XPOT: variants seen among roughly 807,000 people sequenced by gnomAD.
XPOT encodes exportin for tRNA, also known as exportin-T.
In XPOT, 34 loss-of-function variants were observed where a neutral mutation model predicts 128.2. The observed-to-expected ratio is 0.27, with a 90% CI of 0.20 to 0.35. XPOT has a LOEUF of 0.35. XPOT is among the 10% of genes least tolerant of loss of function. The pLI, the probability that XPOT is intolerant of heterozygous loss-of-function variation, is 1.00. For synonymous variants in XPOT, 348 were observed against 394.3 expected (o/e 0.88, Z 1.39); for missense variants, 838 against 1,125.3 (o/e 0.74, Z 3.65).
At chr12:64,443,805 A>G (rs180955500) in intron 23 of XPOT, among the ~76,000 whole-genome samples, 15 of 152,288 alleles carry the variant, frequency 9.8e-5, no homozygotes, top group Non-Finnish European at 1.5e-4. Flanking sequence ...TCAAAAATAA[A>G]GATTTCACAT....
chr12:64,437,367 G>A (rs1184779002), intron 22 of XPOT, among the ~76,000 whole-genome samples: 2 of 152,188 alleles, frequency 1.3e-5, no homozygotes, highest in Non-Finnish European at 2.9e-5. Context: ...TTGCCTGAGG[G>A]GCAATCTAAG....
At chr12:64,445,936 C>T (rs1367948163) in intron 24 of XPOT, among the ~76,000 whole-genome samples, 4 of 152,176 alleles carry the variant, frequency 2.6e-5, no homozygotes, top group Admixed American at 6.5e-5. Context: ...GAGGGCTTTG[C>T]GCAGTAAATA....
chr12:64,425,026 A>T lies in XPOT; in HGVS notation c.1308-12A>T. The T allele has an allele frequency of 1.1e-5, 17 of 1,612,228 alleles. No individual in the cohort carries two copies. The highest frequency in any genetic ancestry group is 1.4e-5 in the Non-Finnish European group (16 of 1,179,946). On this transcript the variant is annotated splice_polypyrimidine_tract_variant and intron_variant, in intron 12 of 24. Transcript: ENST00000332707. ...TATCTTTAAATCTCACTGACATATT[A>T]TACCTTGGTAGGAATTGGCAGACTA...
At position 64,420,503 on chromosome 12, in the gene XPOT, G is replaced by C. The variant is rs954816185; in HGVS notation, c.825G>C (p.Gly275=). 6 of 1,611,438 alleles carry C rather than the reference G, an allele frequency of 3.7e-6. No individual in the cohort carries two copies. Among genetic ancestry groups the C allele is most frequent in the Non-Finnish European group, 5.1e-6 (6 of 1,179,078 alleles). ...ESLCQVLQSA[G]FFSIDQEEDV... is the part of the protein sequence containing the mutation. ...TGTGTCAAGTATTACAGTCTGCTGGGTTTTTCAGCATTGACCAGGTTGGTA... is the reference window on the plus strand; with the variant it reads ...TGTGTCAAGTATTACAGTCTGCTGGCTTTTTCAGCATTGACCAGGTTGGTA... The change falls in exon 8 of 25, where the codon GGG becomes GGC. Residue 275 remains glycine (G), a synonymous_variant. Transcript: ENST00000332707.
intron 9 of XPOT, 49 bp from the exon 10 acceptor site, chr12:64,422,956 C>G: frequency 6.5e-7 from 1 of 1,541,040 alleles, no homozygotes; most frequent in Non-Finnish European, 8.8e-7. Flanking sequence ...TTCTGATATG[C>G]AGGTATAACT....
intron 2 of XPOT, among the ~76,000 whole-genome samples, chr12:64,413,367 C>T (rs1361103030): frequency 1.3e-5 from 2 of 152,132 alleles, no homozygotes; most frequent in African/African-American, 4.8e-5. Context: ...GTGATCTTCC[C>T]ACCTTGACCC....
Position 64,421,288 on chromosome 12 carries a change from A to C in XPOT, c.897A>C (p.Gly299=). 6.2e-7 allele frequency: 1 copy of C among 1,613,946 alleles called. No individual in the cohort carries two copies. Among genetic ancestry groups the C allele is most frequent in the Non-Finnish European group, 8.5e-7 (1 of 1,179,888 alleles). The change falls in exon 9 of 25, where the codon GGA becomes GGC. Residue 299 remains glycine, a synonymous_variant. Coordinates refer to ENST00000332707, the MANE Select transcript of XPOT (RefSeq NM_007235.6). The part of the protein sequence containing the change: ...ARFSKLVNGM[G]QSLIVSWSKL... The stretch of plus-strand genomic sequence containing the variant: ...TTTCTAAGTTGGTAAATGGAATGGG[A>C]CAGTCATTGATAGTTAGTTGGAGTA...
Position 64,431,831 on chromosome 12 carries a change from A to C in XPOT, c.2262+8A>C. On this transcript the variant is annotated splice_region_variant and intron_variant, in intron 18 of 24. Coordinates refer to ENST00000332707, the MANE Select transcript of XPOT (RefSeq NM_007235.6). ...ATTACGGCCAAATTCAAGGTACCGC[A>C]AACTTTCAGAGCTCTGAAAATCTCT... is the stretch of plus-strand genomic sequence containing the variant. 2 of 1,607,396 alleles carry C rather than the reference A, an allele frequency of 1.2e-6. No individual in the cohort carries two copies. The highest frequency in any genetic ancestry group is 8.5e-7 in the Non-Finnish European group (1 of 1,176,120).
At chr12:64,412,123 A>C (rs2040044043) in intron 2 of XPOT, among the ~76,000 whole-genome samples, 1 of 147,256 alleles carries the variant, frequency 6.8e-6, no homozygotes, top group South Asian at 2.2e-4. Context: ...TCCCGGGTTC[A>C]AGAGATTCTC....
chr12:64,435,802 G>A, intron 22 of XPOT, 128 bp downstream of exon 22: 1 of 827,546 alleles, frequency 1.2e-6, no homozygotes, highest in South Asian at 2.5e-5. Flanking sequence ...GAAAGGGGAT[G>A]AATGAAAGTA....
intron 4 of XPOT, among the ~76,000 whole-genome samples, chr12:64,417,396 A>T (rs1455521488): frequency 1.3e-5 from 2 of 152,160 alleles, no homozygotes; most frequent in Non-Finnish European, 2.9e-5. Context: ...TTTTTTTAAA[A>T]AATTAGCCAG....
In XPOT at chr12:64,419,243, A is replaced by G. The variant is rs2040116753; in HGVS notation, c.489+149A>G. 19 of 628,698 alleles carry G rather than the reference A, an allele frequency of 3.0e-5. No individual in the cohort carries two copies. The South Asian group carries it at 5.0e-4, about 17-fold the overall frequency. The allele number at this position is 628,698 out of a possible 1,614,324, so 38.9% of individuals were successfully genotyped here. A position where few individuals can be genotyped will look rare whatever the true frequency, so the allele number is the denominator to read the frequency against. On this transcript the variant is annotated intron_variant, in intron 6 of 24. Coordinates refer to ENST00000332707, the MANE Select transcript of XPOT (RefSeq NM_007235.6). Reference sequence around the variant, plus strand: ...AAATTTACCTGATGTTTTGGATTTTATTTTATGAAGGAACTCAAACTTGGT... The same window carrying G: ...AAATTTACCTGATGTTTTGGATTTTGTTTTATGAAGGAACTCAAACTTGGT...
At chr12:64,409,927 G>A (rs1417004823) in intron 1 of XPOT, 35 bp from the exon 2 acceptor site, 2 of 810,720 alleles carry the variant, frequency 2.5e-6, no homozygotes, top group Non-Finnish European at 4.3e-6. Flanking sequence ...TGTTTATCAA[G>A]TAATGTTTTC....
intron 17 of XPOT, 77 bp from the exon 18 acceptor site, chr12:64,431,461 G>C (rs991748933): frequency 7.1e-7 from 1 of 1,415,898 alleles, no homozygotes; most frequent in Non-Finnish European, 9.7e-7. Flanking sequence ...GTAATTTGTT[G>C]TGCATTGCTT....
intron 3 of XPOT, 21 bp from the exon 4 acceptor site, chr12:64,416,677 T>C (rs1374870038): frequency 6.3e-7 from 1 of 1,598,612 alleles, no homozygotes; most frequent in South Asian, 1.1e-5. Context: ...GCTTATCTCA[T>C]TTTCTTTTTT....
At chr12:64,408,110 C>G (rs1450319094) in intron 1 of XPOT, among the ~76,000 whole-genome samples, 1 of 151,994 alleles carries the variant, frequency 6.6e-6, no homozygotes, top group Admixed American at 6.6e-5. Context: ...AGCCCCACAG[C>G]CTTTTTTTGT....
intron 17 of XPOT, among the ~76,000 whole-genome samples, 187 bp from the exon 18 acceptor site, chr12:64,431,351 A>G (rs954669637): frequency 1.3e-5 from 2 of 152,356 alleles, no homozygotes; most frequent in African/African-American, 4.8e-5. Context: ...TTCTGGAAAG[A>G]TCATTGGAAG....
At chr12:64,426,753 C>T (rs1336011251) in intron 15 of XPOT, among the ~76,000 whole-genome samples, 1 of 152,080 alleles carries the variant, frequency 6.6e-6, no homozygotes, top group African/African-American at 2.4e-5. Flanking sequence ...GAGGCTGAGG[C>T]GGGTGGATCA....
chr12:64,424,843 T>G, intron 12 of XPOT, 120 bp downstream of exon 12: 1 of 1,399,598 alleles, frequency 7.1e-7, no homozygotes, highest in Non-Finnish European at 9.7e-7. Context: ...CTTATGTGTA[T>G]CTCTGGAAAC....
Sources: allele counts gnomAD v4.1 joint callset (sites outside exome capture counted in the v4.1 genomes callset), GRCh38; gene constraint gnomAD v4.1.1; transcripts MANE v1.5; gene names NCBI Gene and HGNC (gene_info 2026-07-23, HGNC 2026-07-21).